CFAP54: variants seen among roughly 807,000 people sequenced by gnomAD.
CFAP54 encodes cilia and flagella associated protein 54.
A neutral mutation model predicts 370.4 loss-of-function variants in CFAP54; 290 were observed. The observed-to-expected ratio is 0.78, with a 90% CI of 0.71 to 0.86. The LOEUF (loss-of-function observed/expected upper bound fraction) is 0.86. Among genes scored for constraint, CFAP54 ranks in the 40% least tolerant of loss-of-function variants. The probability of loss-of-function intolerance (pLI) is 0.00; values close to 1 mark genes in which losing one functional copy is unlikely to be tolerated. For synonymous variants in CFAP54, 1,206 were observed against 1,236.5 expected (o/e 0.98, Z 0.52); for missense variants, 3,399 against 3,528.7 (o/e 0.96, Z 0.93).
In CFAP54 at chr12:96,739,945, T is replaced by C. The variant is rs1288734257; in HGVS notation, c.6966-11T>C. The C allele has an allele frequency of 5.8e-6, 8 of 1,374,160 alleles. No individual in the cohort carries two copies. The highest frequency in any genetic ancestry group is 5.1e-6 in the Non-Finnish European group (5 of 982,408). 85.1% of individuals were successfully genotyped at this position (1,374,160 alleles called of 1,614,324 possible). ...ATACTGATAACATTTAAAATATATT[T>C]TCTATTTTAGTGCTGCAATAGTATT... On this transcript the variant is annotated splice_polypyrimidine_tract_variant and intron_variant, in intron 50 of 67. Transcript: ENST00000524981.
Position 96,648,019 on chromosome 12 carries a change from T to G in CFAP54, c.4690+2T>G. Reference sequence around the variant, plus strand: ...AAAGAAAGGCCAACTTACCATCAGGTAAAATAAACATGTTAGTTTATTATT... The same window carrying G: ...AAAGAAAGGCCAACTTACCATCAGGGAAAATAAACATGTTAGTTTATTATT... On this transcript the variant is annotated splice_donor_variant, in intron 34 of 67. Coordinates refer to ENST00000524981, the MANE Select transcript of CFAP54 (RefSeq NM_001306084.2). LOFTEE classifies it high-confidence loss of function. 1 of 1,498,980 alleles carries G rather than the reference T, an allele frequency of 6.7e-7. No homozygotes were observed. Among genetic ancestry groups the G allele is most frequent in the Non-Finnish European group, 8.8e-7 (1 of 1,135,674 alleles). The allele number at this position is 1,498,980 out of a possible 1,614,324, so 92.9% of individuals were successfully genotyped here. A position where few individuals can be genotyped will look rare whatever the true frequency, so the allele number is the denominator to read the frequency against.
At chr12:96,494,076 A>G (rs1002214331) in intron 1 of CFAP54, among the ~76,000 whole-genome samples, 6 of 152,140 alleles carry the variant, frequency 3.9e-5, no homozygotes, top group Non-Finnish European at 8.8e-5. Flanking sequence ...CTAGCCAAAC[A>G]GAGAGGATGA....
chr12:96,689,443 G>A (rs1474693673), intron 43 of CFAP54, among the ~76,000 whole-genome samples: 1 of 152,148 alleles, frequency 6.6e-6, no homozygotes, highest in East Asian at 1.9e-4. Flanking sequence ...TTATAGGCGT[G>A]AGCTACCATG....
At chr12:96,495,500 T>TC (rs1555216534) in intron 1 of CFAP54, among the ~76,000 whole-genome samples, 2 of 150,964 alleles carry the variant, frequency 1.3e-5, no homozygotes, top group Non-Finnish European at 2.9e-5. Context: ...TTTTTTTTTT[T>TC]AGTAGAGACG....
At position 96,627,864 on chromosome 12, in the gene CFAP54, G is replaced by T. The variant is rs185110789; in HGVS notation, c.4103+925G>T. ...AACAGAAGATACTTTCAGTGTACAGGCAAATGTGGAGGGCTGGCTGTGGAA... is the reference window on the plus strand; with the variant it reads ...AACAGAAGATACTTTCAGTGTACAGTCAAATGTGGAGGGCTGGCTGTGGAA... On this transcript the variant is annotated intron_variant, in intron 30 of 67. Coordinates refer to ENST00000524981, the MANE Select transcript of CFAP54 (RefSeq NM_001306084.2). Among the ~76,000 whole-genome samples the T allele has an allele frequency of 3.1e-3, 465 of 152,246 alleles. 2 individuals are homozygous for T. The highest frequency in any genetic ancestry group is 0.01 in the African/African-American group (426 of 41,548).
intron 2 of CFAP54, among the ~76,000 whole-genome samples, chr12:96,502,943 C>CCTCA (rs1955046995): frequency 6.6e-6 from 1 of 151,978 alleles, no homozygotes; most frequent in South Asian, 2.1e-4. Flanking sequence ...AAGTAGCTCA[C>CCTCA]CTCACTCTGC....
intron 19 of CFAP54, among the ~76,000 whole-genome samples, chr12:96,565,592 G>T (rs192896833): frequency 1.3e-5 from 2 of 152,262 alleles, no homozygotes; most frequent in East Asian, 3.9e-4. Context: ...TGCTAAAAAT[G>T]AAGTGCCAGA....
intron 50 of CFAP54, among the ~76,000 whole-genome samples, chr12:96,735,057 A>C (rs984748891): frequency 1.3e-5 from 2 of 152,218 alleles, no homozygotes; most frequent in African/African-American, 4.8e-5. Flanking sequence ...TCTGCTTACA[A>C]AGTGAAGTTA....
intron 65 of CFAP54, among the ~76,000 whole-genome samples, chr12:96,827,683 G>T (rs369144375): frequency 1.8e-3 from 96 of 54,268 alleles, no homozygotes; most frequent in Non-Finnish European, 1.7e-3. Flanking sequence ...AATTATATAT[G>T]ATACATAGTA....
At chr12:96,511,333 T>A (rs1364120444) in intron 4 of CFAP54, among the ~76,000 whole-genome samples, 6 of 152,214 alleles carry the variant, frequency 3.9e-5, no homozygotes, top group African/African-American at 1.4e-4. Flanking sequence ...TTATTTATTT[T>A]TTTGAGATGG....
At chr12:96,712,743 T>A (rs1957628418) in intron 48 of CFAP54, among the ~76,000 whole-genome samples, 1 of 152,186 alleles carries the variant, frequency 6.6e-6, no homozygotes, top group Non-Finnish European at 1.5e-5. Flanking sequence ...AATTCTTTTC[T>A]TAGCTCTCAC....
At chr12:96,662,195 A>C (rs1039113713) in intron 38 of CFAP54, among the ~76,000 whole-genome samples, 12 of 151,948 alleles carry the variant, frequency 7.9e-5, no homozygotes, top group Non-Finnish European at 2.9e-5. Flanking sequence ...TTCAGCCTAT[A>C]ATATATTCTT....
Position 96,534,051 on chromosome 12 carries a change from A to G in CFAP54, c.1540-11A>G. On this transcript the variant is annotated splice_polypyrimidine_tract_variant and intron_variant, in intron 10 of 67. Coordinates refer to ENST00000524981, the MANE Select transcript of CFAP54 (RefSeq NM_001306084.2). ...AATTACTAATTAACGTGTGGGATATACTTCCCCAAGAGGCAGGATGATCCA... is the reference window on the plus strand; with the variant it reads ...AATTACTAATTAACGTGTGGGATATGCTTCCCCAAGAGGCAGGATGATCCA... The G allele has an allele frequency of 3.3e-6, 5 of 1,513,066 alleles. No individual in the cohort carries two copies. The highest frequency in any genetic ancestry group is 4.4e-6 in the Non-Finnish European group (5 of 1,137,680). The allele number at this position is 1,513,066 out of a possible 1,614,324, so 93.7% of individuals were successfully genotyped here.
At chr12:96,761,944 C>G (rs914309243) in intron 58 of CFAP54, among the ~76,000 whole-genome samples, 6 of 152,012 alleles carry the variant, frequency 3.9e-5, no homozygotes, top group African/African-American at 1.2e-4. Flanking sequence ...TCTTCCTTTT[C>G]AAAACTGTTT....
intron 19 of CFAP54, 118 bp from the exon 20 acceptor site, chr12:96,576,467 G>A: frequency 2.5e-6 from 2 of 795,966 alleles, no homozygotes; most frequent in Non-Finnish European, 3.7e-6. Flanking sequence ...TTGAGCCTCT[G>A]AGGCTTGAAA....
At chr12:96,491,879 C>T (rs908145657) in intron 1 of CFAP54, among the ~76,000 whole-genome samples, 29 of 152,152 alleles carry the variant, frequency 1.9e-4, no homozygotes, top group Non-Finnish European at 3.4e-4. Flanking sequence ...TGTGCCTCAG[C>T]CTTCTGAGTA....
chr12:96,770,152 G>A (rs1330211573), intron 60 of CFAP54, among the ~76,000 whole-genome samples: 1 of 151,816 alleles, frequency 6.6e-6, no homozygotes, highest in Non-Finnish European at 1.5e-5. Flanking sequence ...TTATAGGTGG[G>A]AATGGAGAAA....
chr12:96,580,842 A>C, intron 21 of CFAP54, 78 bp from the exon 22 acceptor site: 1 of 1,186,618 alleles, frequency 8.4e-7, no homozygotes, highest in African/African-American at 1.6e-5. Context: ...TTTTAATAGA[A>C]GGTTTACTTA....
At chr12:96,615,740 C>T (rs1592885456) in intron 26 of CFAP54, among the ~76,000 whole-genome samples, 1 of 152,208 alleles carries the variant, frequency 6.6e-6, no homozygotes, top group Admixed American at 6.5e-5. Flanking sequence ...GACATCTATG[C>T]AGCCAAAAGA....
Sources: gnomAD v4.1 joint callset for allele counts (sites outside exome capture counted in the v4.1 genomes callset) on GRCh38, gnomAD v4.1.1 for gene constraint, MANE v1.5 for transcripts, NCBI Gene and HGNC (gene_info 2026-07-23, HGNC 2026-07-21) for gene names.